Variants in RHOQ observed in about 807,000 individuals in gnomAD.
RHOQ encodes ras homolog family member Q.
RHOQ carries 7 observed loss-of-function variants against 25.8 expected under a neutral mutation model. The ratio of observed to expected loss-of-function variants is 0.27; its 90% CI spans 0.15 to 0.51. The LOEUF (loss-of-function observed/expected upper bound fraction) is 0.51, where lower values mean the gene tolerates loss of function less well. Among genes scored for constraint, RHOQ ranks in the 20% least tolerant of loss-of-function variants. The pLI, the probability that RHOQ is intolerant of heterozygous loss-of-function variation, is 0.97. For missense variants in RHOQ, 165 were observed against 260.6 expected, an observed-to-expected ratio of 0.63 and a Z score of 2.53; for synonymous variants, 97 against 98.6, an observed-to-expected ratio of 0.98 and a Z score of 0.10.
intron 2 of RHOQ, 145 bp downstream of exon 2, chr2:46,543,957 C>A (rs982660238): frequency 1.5e-4 from 94 of 647,736 alleles, no homozygotes; most frequent in Middle Eastern, 2.5e-4. Flanking sequence ...TTTCTTGTAA[C>A]AAGTCAGCAA....
intron 4 of RHOQ, among the ~76,000 whole-genome samples, chr2:46,578,245 G>A (rs1317686016): frequency 6.6e-6 from 1 of 152,130 alleles, no homozygotes; most frequent in Non-Finnish European, 1.5e-5. Context: ...TGGACACTCT[G>A]TTGTACTATT....
rs1668836438 is a variant in RHOQ at position 46,569,265 on chromosome 2, C to T, written c.202-6822C>T. 6.6e-6 allele frequency: 1 copy of T among 152,232 alleles called. No individual in the cohort carries two copies. The allele number at this position is 152,232 out of a possible 1,614,324, so 9.4% of individuals were successfully genotyped here. A position where few individuals can be genotyped will look rare whatever the true frequency, so the allele number is the denominator to read the frequency against. On this transcript the variant is annotated intron_variant, in intron 2 of 4. Coordinates refer to ENST00000238738, the MANE Select transcript of RHOQ (RefSeq NM_012249.4). This position sits in a 1 kb window ranked among gnomAD's most constrained non-coding sequence, Gnocchi z 4.1. ...GCCTGAGGGCTGTATTTAGCTAAGT[C>T]TTGATCCTCTGCCTTGTGGTGGTCA...
chr2:46,542,886 C>A lies in RHOQ; in HGVS notation c.-161C>A. ...GGCAGCGCCCCGGGCCCGCCGCCCC[C>A]TCCCCTCCTGCGAGGGGAGCCGCTG... is the stretch of plus-strand genomic sequence containing the variant. On this transcript the variant is annotated 5_prime_UTR_variant, in exon 1 of 5. Transcript: ENST00000238738. The A allele has an allele frequency of 4.9e-6, 1 of 203,666 alleles. No homozygotes were observed. The highest frequency in any genetic ancestry group is 1.5e-4 in the South Asian group (1 of 6,470). 12.6% of individuals were successfully genotyped at this position (203,666 alleles called of 1,614,324 possible).
intron 2 of RHOQ, chr2:46,560,587 C>A (rs777006291): frequency 2.2e-6 from 1 of 456,128 alleles, no homozygotes; most frequent in Non-Finnish European, 4.4e-6. Flanking sequence ...ATCCTGGGGT[C>A]ACGTGATCAC....
At chr2:46,543,635 G>C (rs1667924382) in intron 1 of RHOQ, 119 bp from the exon 2 acceptor site, 1 of 823,980 alleles carries the variant, frequency 1.2e-6, no homozygotes, top group South Asian at 1.6e-5. Flanking sequence ...ACATCTCGCG[G>C]GGAGCGCCCC....
In RHOQ at chr2:46,555,087, G is replaced by A. The variant is rs1668374050; in HGVS notation, c.201+11275G>A. Among the ~76,000 whole-genome samples, 1 of 152,224 alleles carries A rather than the reference G, an allele frequency of 6.6e-6. No individual in the cohort carries two copies. The highest frequency in any genetic ancestry group is 6.5e-5 in the Admixed American group (1 of 15,286). On this transcript the variant is annotated intron_variant, in intron 2 of 4. Coordinates refer to ENST00000238738, the MANE Select transcript of RHOQ (RefSeq NM_012249.4). This position sits in a 1 kb window ranked among gnomAD's most constrained non-coding sequence, Gnocchi z 4.3. Reference sequence around the variant, plus strand: ...AGGAGGGACAGAGCAGGCAGATGGGGGCTCTGCTTCCTTCGGACAGGGACT... The same window carrying A: ...AGGAGGGACAGAGCAGGCAGATGGGAGCTCTGCTTCCTTCGGACAGGGACT...
intron 2 of RHOQ, among the ~76,000 whole-genome samples, chr2:46,551,944 A>G (rs571949088): frequency 6.6e-6 from 1 of 152,204 alleles, no homozygotes; most frequent in Admixed American, 6.5e-5. Flanking sequence ...GCTCCAGGCC[A>G]CACGGTTGGT....
chr2:46,576,824 A>G lies in RHOQ; in HGVS notation c.462+168A>G. The G allele has an allele frequency of 2.1e-6, 1 of 472,628 alleles. No homozygotes were observed. The highest frequency in any genetic ancestry group is 2.0e-5 in the African/African-American group (1 of 49,442). 29.3% of individuals were successfully genotyped at this position (472,628 alleles called of 1,614,324 possible). A position where few individuals can be genotyped will look rare whatever the true frequency, so the allele number is the denominator to read the frequency against. On this transcript the variant is annotated intron_variant, in intron 4 of 4. Transcript: ENST00000238738. The surrounding 1 kb of genome is among the most constrained non-coding windows in gnomAD (Gnocchi z 5.1). Reference sequence around the variant, plus strand: ...GAGGTAGGTCTGTTTCCCCTGTTACACAGAAGAGACAGTGGAGGCTGGGAG... The same window carrying G: ...GAGGTAGGTCTGTTTCCCCTGTTACGCAGAAGAGACAGTGGAGGCTGGGAG...
chr2:46,577,272 C>T (rs1417218620), intron 4 of RHOQ: 3 of 152,174 alleles, frequency 2.0e-5, no homozygotes, highest in Middle Eastern at 3.4e-3. Flanking sequence ...TATCTTCCTT[C>T]GTGCCCCAAA....
intron 2 of RHOQ, among the ~76,000 whole-genome samples, chr2:46,557,472 A>G (rs1668442298): frequency 6.6e-6 from 1 of 152,200 alleles, no homozygotes; most frequent in African/African-American, 2.4e-5. Flanking sequence ...ATATATGTAT[A>G]GTATGATTAA....
intron 2 of RHOQ, chr2:46,572,719 G>C (rs1409913899): frequency 2.2e-6 from 1 of 446,434 alleles, no homozygotes; most frequent in Non-Finnish European, 4.5e-6. Context: ...TAATGGGTTT[G>C]TTAATTAGGA....
At chr2:46,551,085 T>C (rs2103987761) in intron 2 of RHOQ, among the ~76,000 whole-genome samples, 1 of 152,320 alleles carries the variant, frequency 6.6e-6, no homozygotes, top group Middle Eastern at 3.4e-3. Flanking sequence ...CAACTTCAGC[T>C]CTGCCACTTC....
At position 46,546,449 on chromosome 2, in the gene RHOQ, T is replaced by C. The variant is rs549415577; in HGVS notation, c.201+2637T>C. 8.9e-3 allele frequency among the ~76,000 whole-genome samples: 709 copies of C among 79,348 alleles called. 10 individuals are homozygous for C. Among genetic ancestry groups the C allele is most frequent in the Non-Finnish European group, 0.014 (566 of 40,192 alleles). 52.1% of individuals were successfully genotyped at this position (79,348 alleles called of 152,430 possible). ...ATATATATGTATCCGTATACACATA[T>C]ACATATATATATATATATATATATG... On this transcript the variant is annotated intron_variant, in intron 2 of 4. Coordinates refer to ENST00000238738, the MANE Select transcript of RHOQ (RefSeq NM_012249.4).
rs377015924 is a variant in RHOQ at position 46,570,178 on chromosome 2, T to C, written c.202-5909T>C. Among the ~76,000 whole-genome samples, 3 of 152,296 alleles carry C rather than the reference T, an allele frequency of 2.0e-5. No homozygotes were observed. In the East Asian group the frequency reaches 5.8e-4, roughly 29 times the overall value. On this transcript the variant is annotated intron_variant, in intron 2 of 4. Coordinates refer to ENST00000238738, the MANE Select transcript of RHOQ (RefSeq NM_012249.4). The stretch of plus-strand genomic sequence containing the variant: ...GTTTCAGGCCAGGCGTGGTGGCTCA[T>C]GCCTGTAATCCCAGCACTTTGGGAG...
At chr2:46,544,284 T>C (rs1667973578) in intron 2 of RHOQ, among the ~76,000 whole-genome samples, 2 of 152,322 alleles carry the variant, frequency 1.3e-5, no homozygotes, top group Middle Eastern at 3.4e-3. Flanking sequence ...TATTACAACA[T>C]CATTGCACTC....
At chr2:46,549,955 G>A (rs1668190112) in intron 2 of RHOQ, among the ~76,000 whole-genome samples, 1 of 152,192 alleles carries the variant, frequency 6.6e-6, no homozygotes, top group African/African-American at 2.4e-5. Context: ...AGGCAGGGTG[G>A]CATGTTCTTG....
rs1011742468 is a variant in RHOQ, at chr2:46,584,005, G to C, written c.*2922G>C. ...ATCTCCACAGGTACATTTTAGGTTAGCTCATGGTGAATTCTATTTACAATA... is the reference window on the plus strand; with the variant it reads ...ATCTCCACAGGTACATTTTAGGTTACCTCATGGTGAATTCTATTTACAATA... On this transcript the variant is annotated 3_prime_UTR_variant, in exon 5 of 5. Transcript: ENST00000238738. Among the ~76,000 whole-genome samples, 1 of 152,140 alleles carries C rather than the reference G, an allele frequency of 6.6e-6. No homozygotes were observed. Among genetic ancestry groups the C allele is most frequent in the Admixed American group, 6.5e-5 (1 of 15,280 alleles).
In RHOQ at chr2:46,566,018, G is replaced by A. The variant is rs1668720604; in HGVS notation, c.202-10069G>A. ...CTGGAAGATGAGTAGGAGCTCCCAG[G>A]TGAAGAAATACGGAGAGAGAGAAGA... On this transcript the variant is annotated intron_variant, in intron 2 of 4. Transcript: ENST00000238738. The surrounding 1 kb of genome is among the most constrained non-coding windows in gnomAD (Gnocchi z 4.2). 6.6e-6 allele frequency among the ~76,000 whole-genome samples: 1 copy of A among 152,170 alleles called. No homozygotes were observed. The highest frequency in any genetic ancestry group is 1.5e-5 in the Non-Finnish European group (1 of 68,032).
rs1359101229 is a variant in RHOQ, at chr2:46,582,423, G to C, written c.*1340G>C. 6.6e-6 allele frequency: 1 copy of C among 152,192 alleles called. No homozygotes were observed. Among genetic ancestry groups the C allele is most frequent in the Non-Finnish European group, 1.5e-5 (1 of 68,034 alleles). 9.4% of individuals were successfully genotyped at this position (152,192 alleles called of 1,614,324 possible). Reference sequence around the variant, plus strand: ...TAGAGGTGAACCATCTTAATTACTAGTTCTATTACCTAATTCAGCTTCCTT... The same window carrying C: ...TAGAGGTGAACCATCTTAATTACTACTTCTATTACCTAATTCAGCTTCCTT... On this transcript the variant is annotated 3_prime_UTR_variant, in exon 5 of 5. Coordinates refer to ENST00000238738, the MANE Select transcript of RHOQ (RefSeq NM_012249.4).
Sources: gnomAD v4.1 joint callset for allele counts (sites outside exome capture counted in the v4.1 genomes callset) on GRCh38, gnomAD v4.1.1 for gene constraint, Gnocchi (gnomAD v3.1) non-coding constraint, MANE v1.5 for transcripts, NCBI Gene and HGNC (gene_info 2026-07-23, HGNC 2026-07-21) for gene names.